PACRGL: variants seen among roughly 807,000 people sequenced by gnomAD.
PACRGL encodes PACRG-like protein.
In PACRGL, 38 loss-of-function variants were observed where a neutral mutation model predicts 34.5. That is an observed-to-expected ratio of 1.10 (90% CI 0.85 to 1.44). The LOEUF is 1.44. PACRGL is among the 40% of genes most tolerant of loss of function. The probability of loss-of-function intolerance (pLI) is 0.00; values close to 1 mark genes in which losing one functional copy is unlikely to be tolerated. For missense variants in PACRGL, 305 were observed against 281.4 expected (o/e 1.08, Z -0.60); for synonymous variants, 128 against 100.1 (o/e 1.28, Z -1.66).
chr4:20,707,723 G>A, intron 3 of PACRGL, 80 bp from the exon 4 acceptor site: 1 of 1,154,184 alleles, frequency 8.7e-7, no homozygotes, highest in Non-Finnish European at 1.3e-6. Context: ...TACCAGCTTG[G>A]CGGTTTGAAA....
At chr4:20,707,936 T>C (rs1306036129) in intron 4 of PACRGL, 66 bp downstream of exon 4, 4 of 1,208,162 alleles carry the variant, frequency 3.3e-6, no homozygotes, top group Non-Finnish European at 4.9e-6. Flanking sequence ...GAATACAATA[T>C]TTAGTTTAAA....
chr4:20,699,114 A>C (rs986478413), upstream of PACRGL, among the ~76,000 whole-genome samples: 1 of 152,194 alleles, frequency 6.6e-6, no homozygotes, highest in African/African-American at 2.4e-5. Flanking sequence ...TAGGAGCTCT[A>C]CTGAGTCTGA....
chr4:20,731,559 C>G lies in PACRGL; in HGVS notation c.*4218C>G, dbSNP rs1258124804. 8 of 985,262 alleles carry G rather than the reference C, an allele frequency of 8.1e-6. No individual in the cohort carries two copies. Among genetic ancestry groups the G allele is most frequent in the Non-Finnish European group, 9.6e-6 (8 of 829,920 alleles). The allele number at this position is 985,262 out of a possible 1,614,324, so 61.0% of individuals were successfully genotyped here. A position where few individuals can be genotyped will look rare whatever the true frequency, so the allele number is the denominator to read the frequency against. On this transcript the variant is annotated 3_prime_UTR_variant, in exon 9 of 9. Coordinates refer to ENST00000503585, the MANE Select transcript of PACRGL (RefSeq NM_001258345.3). ...CAAAGAGCCATTTCTTGTCCACATA[C>G]ACTAAAACAATGACTTTTCTCTTAG...
chr4:20,719,322 A>G (rs989708683), intron 7 of PACRGL, among the ~76,000 whole-genome samples: 7 of 151,940 alleles, frequency 4.6e-5, no homozygotes, highest in South Asian at 2.1e-4. Flanking sequence ...TTGTGTCTCT[A>G]TCTCCTTCAA....
In PACRGL at chr4:20,730,503, C is replaced by CAG. The variant is rs1438098352; in HGVS notation, c.*3164_*3165dup. On this transcript the variant is annotated 3_prime_UTR_variant, in exon 9 of 9. Coordinates refer to ENST00000503585, the MANE Select transcript of PACRGL (RefSeq NM_001258345.3). The stretch of plus-strand genomic sequence containing the variant: ...TATGTAGATCACAGGCCAAATCACA[C>CAG]AGACTTTTATACAGGTACAAGGAAA... Among the ~76,000 whole-genome samples, 1 of 152,128 alleles carries CAG rather than the reference C, an allele frequency of 6.6e-6. No individual in the cohort carries two copies. Among genetic ancestry groups the CAG allele is most frequent in the African/African-American group, 2.4e-5 (1 of 41,436 alleles).
chr4:20,704,690 C>T lies in PACRGL; in HGVS notation c.83C>T (p.Thr28Ile). ...GNYDQRTSSS[T>I]QLKHRNAVQG... ...TATGATCAAAGGACATCATCAAGCA[C>T]ACAGTTAAAACACAGGAATGCAGTT... The change falls in exon 3 of 9, where the codon ACA (threonine) becomes ATA (isoleucine). Residue 28 changes from threonine to isoleucine, a missense_variant. Thr to Ile is a moderately conservative substitution (Grantham distance 89). Coordinates refer to ENST00000503585, the MANE Select transcript of PACRGL (RefSeq NM_001258345.3). 1 of 1,614,100 alleles carries T rather than the reference C, an allele frequency of 6.2e-7. No individual in the cohort carries two copies. Among genetic ancestry groups the T allele is most frequent in the Non-Finnish European group, 8.5e-7 (1 of 1,179,996 alleles).
chr4:20,762,973 A>T, the PACRGL span, among the ~76,000 whole-genome samples: 11 of 152,108 alleles, frequency 7.2e-5, no homozygotes, highest in Admixed American at 6.5e-4. Context: ...AGAAGTGCTG[A>T]GTGAAAGGCA....
Position 20,732,003 on chromosome 4 carries a change from T to TA in PACRGL, c.*4663dup, listed in dbSNP as rs1272810975. ...TGATAGTTATTACACTTTCATTACT[T>TA]ACTTTTTGGCAGCTTTCAATGAACT... On this transcript the variant is annotated 3_prime_UTR_variant, in exon 9 of 9. Coordinates refer to ENST00000503585, the MANE Select transcript of PACRGL (RefSeq NM_001258345.3). 6.2e-7 allele frequency: 1 copy of TA among 1,613,282 alleles called. No homozygotes were observed.
chr4:20,728,498 C>T lies in PACRGL; in HGVS notation c.*1157C>T, dbSNP rs979594532. ...TGCCTGCCTGCTGGCCTTGCTTTTACCTGTTTTCATTGCATTGAGCACCAT... is the reference window on the plus strand; with the variant it reads ...TGCCTGCCTGCTGGCCTTGCTTTTATCTGTTTTCATTGCATTGAGCACCAT... On this transcript the variant is annotated 3_prime_UTR_variant, in exon 9 of 9. Transcript: ENST00000503585. 4 of 152,252 alleles carry T rather than the reference C, an allele frequency of 2.6e-5. No homozygotes were observed. The highest frequency in any genetic ancestry group is 9.7e-5 in the African/African-American group (4 of 41,448). The allele number at this position is 152,252 out of a possible 1,614,324, so 9.4% of individuals were successfully genotyped here. A position where few individuals can be genotyped will look rare whatever the true frequency, so the allele number is the denominator to read the frequency against.
chr4:20,737,169 A>C (rs1178047244), downstream of PACRGL, among the ~76,000 whole-genome samples: 1 of 152,202 alleles, frequency 6.6e-6, no homozygotes, highest in Non-Finnish European at 1.5e-5. Flanking sequence ...TTCCAGAGAA[A>C]GCCACAAGGA....
At chr4:20,765,299 A>T in the PACRGL span, among the ~76,000 whole-genome samples, 1 of 152,148 alleles carries the variant, frequency 6.6e-6, no homozygotes, top group Non-Finnish European at 1.5e-5. Context: ...CTGAAAACAT[A>T]GTCTCCTGGA....
intron 7 of PACRGL, among the ~76,000 whole-genome samples, chr4:20,719,817 G>A (rs1742120272): frequency 6.6e-6 from 1 of 152,026 alleles, no homozygotes; most frequent in Non-Finnish European, 1.5e-5. Context: ...TTGATTTGGG[G>A]TGGAGAGTTC....
chr4:20,753,726 A>G (rs1326865798), downstream of PACRGL, among the ~76,000 whole-genome samples: 2 of 151,470 alleles, frequency 1.3e-5, no homozygotes, highest in Non-Finnish European at 2.9e-5. Context: ...CCCTCTGTAA[A>G]TCACCCTGAA....
downstream of PACRGL, among the ~76,000 whole-genome samples, chr4:20,735,422 A>G (rs1198987527): frequency 1.3e-5 from 2 of 151,950 alleles, no homozygotes; most frequent in African/African-American, 2.4e-5. Context: ...GACATTGGCT[A>G]TGTAAGTTTT....
the PACRGL span, among the ~76,000 whole-genome samples, chr4:20,759,118 T>G: frequency 1.3e-5 from 2 of 152,106 alleles, no homozygotes; most frequent in African/African-American, 4.8e-5. Context: ...AGTATCAAAG[T>G]AGGTGTAATG....
chr4:20,703,125 G>A (rs1036772003), intron 1 of PACRGL, among the ~76,000 whole-genome samples: 16 of 152,174 alleles, frequency 1.1e-4, no homozygotes, highest in African/African-American at 3.6e-4. Context: ...AAAAGTATCA[G>A]TGTTTATCCT....
At chr4:20,736,468 T>C (rs963586948), downstream of PACRGL, among the ~76,000 whole-genome samples, 2 of 152,222 alleles carry the variant, frequency 1.3e-5, no homozygotes, top group African/African-American at 2.4e-5. Flanking sequence ...ATGATAATTT[T>C]ATACCCTGTC....
At chr4:20,719,616 C>T (rs183888403) in intron 7 of PACRGL, among the ~76,000 whole-genome samples, 22 of 152,340 alleles carry the variant, frequency 1.4e-4, no homozygotes, top group Admixed American at 6.5e-4. Flanking sequence ...GCAGGTTGTT[C>T]AGTTTCCATG....
chr4:20,754,135 C>G (rs548806023), downstream of PACRGL, among the ~76,000 whole-genome samples: 1 of 152,204 alleles, frequency 6.6e-6, no homozygotes, highest in African/African-American at 2.4e-5. Context: ...ACCAACAAAC[C>G]GTTTCCTCTC....
Sources: allele counts gnomAD v4.1 joint callset (sites outside exome capture counted in the v4.1 genomes callset), GRCh38; gene constraint gnomAD v4.1.1; transcripts MANE v1.5; gene names NCBI Gene and HGNC (gene_info 2026-07-23, HGNC 2026-07-21).